The following TMEM108 variants were observed in gnomAD, a reference collection of about 807,000 sequenced individuals.
TMEM108 encodes cancer/testis antigen 124.
A neutral mutation model predicts 35.1 loss-of-function variants in TMEM108; 12 were observed. That is an observed-to-expected ratio of 0.34 (90% CI 0.22 to 0.55). The LOEUF is 0.55. Ranked by LOEUF, TMEM108 falls within the 20% of genes least tolerant of loss-of-function variation. The pLI, the probability that TMEM108 is intolerant of heterozygous loss-of-function variation, is 0.89. For missense variants in TMEM108, 680 were observed against 753.3 expected (o/e 0.90, Z 1.14); for synonymous variants, 287 against 308.6 (o/e 0.93, Z 0.73).
chr3:133,164,806 T>C (rs143965692), intron 2 of TMEM108, among the ~76,000 whole-genome samples: 1,591 of 152,258 alleles, frequency 0.01, 35 homozygotes, highest in African/African-American at 0.036. Flanking sequence ...CTTTAAATGT[T>C]CACAAGAGAG....
At chr3:133,180,230 G>A (rs929357723) in intron 2 of TMEM108, among the ~76,000 whole-genome samples, 11 of 152,014 alleles carry the variant, frequency 7.2e-5, no homozygotes, top group African/African-American at 2.4e-4. Context: ...ATGTTCTGTG[G>A]GAATATTGCA....
chr3:133,354,673 A>G (rs1015319979), intron 3 of TMEM108, among the ~76,000 whole-genome samples: 1 of 152,016 alleles, frequency 6.6e-6, no homozygotes, highest in African/African-American at 2.4e-5. Flanking sequence ...CTGCCACCCC[A>G]TCATGCACCC....
At chr3:133,329,292 C>T (rs1225363239) in intron 3 of TMEM108, among the ~76,000 whole-genome samples, 4 of 152,104 alleles carry the variant, frequency 2.6e-5, no homozygotes, top group African/African-American at 7.2e-5. Context: ...TTTTCCAAGT[C>T]GCCTTCACTA....
intron 3 of TMEM108, among the ~76,000 whole-genome samples, chr3:133,290,157 A>C (rs1354931467): frequency 2.6e-5 from 4 of 152,188 alleles, no homozygotes; most frequent in African/African-American, 9.7e-5. Context: ...GGGATAGGAA[A>C]TGTGGAGGGC....
chr3:133,196,757 CCTT>C (rs1336595217), intron 2 of TMEM108, among the ~76,000 whole-genome samples: 2 of 152,154 alleles, frequency 1.3e-5, no homozygotes, highest in African/African-American at 4.8e-5. Flanking sequence ...TCCCAAGGCT[CCTT>C]CAGTGACTTT....
At chr3:133,285,794 C>T (rs1946975634) in intron 3 of TMEM108, among the ~76,000 whole-genome samples, 1 of 152,182 alleles carries the variant, frequency 6.6e-6, no homozygotes, top group Admixed American at 6.5e-5. Context: ...ACTGGGCGCC[C>T]AGCTGCTTCA....
At chr3:133,185,626 G>C (rs942848572) in intron 2 of TMEM108, among the ~76,000 whole-genome samples, 2 of 151,522 alleles carry the variant, frequency 1.3e-5, no homozygotes, top group African/African-American at 4.9e-5. Flanking sequence ...AAATTCTACA[G>C]GCCAACCCCT....
At chr3:133,112,833 G>A (rs911522124) in intron 2 of TMEM108, among the ~76,000 whole-genome samples, 4 of 152,118 alleles carry the variant, frequency 2.6e-5, no homozygotes, top group South Asian at 4.1e-4. Flanking sequence ...ATAAAGTGAC[G>A]TAAGTGTTCT....
chr3:133,078,499 G>T (rs1943772255), intron 2 of TMEM108, among the ~76,000 whole-genome samples: 1 of 152,162 alleles, frequency 6.6e-6, no homozygotes, highest in Admixed American at 6.5e-5. Flanking sequence ...TTAGATTAAG[G>T]CTTGGAGGGG....
At chr3:133,108,550 T>G (rs1428243453) in intron 2 of TMEM108, among the ~76,000 whole-genome samples, 1 of 152,038 alleles carries the variant, frequency 6.6e-6, no homozygotes, top group Non-Finnish European at 1.5e-5. Flanking sequence ...TTGTGAAAAT[T>G]TTCTCCCATT....
At chr3:133,131,548 A>G (rs114859951) in intron 2 of TMEM108, among the ~76,000 whole-genome samples, 1,841 of 150,310 alleles carry the variant, frequency 0.012, 9 homozygotes, top group Non-Finnish European at 0.02. Flanking sequence ...ATGCCCATAT[A>G]AGACAGCAAA....
rs547003906 is a variant in TMEM108, at chr3:133,304,868, G to A, written c.41-74884G>A. ...AGGCTGAGGCAGGCAGATAATTTGA[G>A]GCCAGGAGTTCAACAGCAGCTTGAC... On this transcript the variant is annotated intron_variant, in intron 3 of 5. Coordinates refer to ENST00000321871, the MANE Select transcript of TMEM108 (RefSeq NM_023943.4). Among the ~76,000 whole-genome samples the A allele has an allele frequency of 2.0e-5, 3 of 152,136 alleles. No homozygotes were observed. In the East Asian group the frequency reaches 5.8e-4, roughly 29 times the overall value.
At chr3:133,122,764 G>A (rs143005885) in intron 2 of TMEM108, among the ~76,000 whole-genome samples, 1,748 of 151,444 alleles carry the variant, frequency 0.012, 42 homozygotes, top group African/African-American at 0.041. Context: ...TCGGGAGGCT[G>A]AGGCAGGAGA....
intron 2 of TMEM108, among the ~76,000 whole-genome samples, chr3:133,052,428 G>A (rs938026561): frequency 2.7e-5 from 4 of 150,742 alleles, no homozygotes; most frequent in Non-Finnish European, 5.9e-5. Flanking sequence ...TATATCATCT[G>A]AACAAAGATA....
chr3:133,242,065 C>T (rs560651328), intron 3 of TMEM108, among the ~76,000 whole-genome samples: 17 of 152,226 alleles, frequency 1.1e-4, no homozygotes, highest in African/African-American at 2.9e-4. Context: ...TCTCTGCCTC[C>T]GTTTTACATG....
chr3:133,208,110 G>A (rs1189360975), intron 2 of TMEM108, among the ~76,000 whole-genome samples: 1 of 152,198 alleles, frequency 6.6e-6, no homozygotes, highest in Non-Finnish European at 1.5e-5. Context: ...TGTGTGTAAA[G>A]CAGGGGTTCC....
chr3:133,161,793 A>G (rs944230064), intron 2 of TMEM108, among the ~76,000 whole-genome samples: 3 of 151,822 alleles, frequency 2.0e-5, no homozygotes, highest in African/African-American at 7.3e-5. Context: ...TACTCACAGC[A>G]TTCAACACAC....
chr3:133,188,470 A>G (rs1316414334), intron 2 of TMEM108, among the ~76,000 whole-genome samples: 1 of 151,048 alleles, frequency 6.6e-6, no homozygotes, highest in Non-Finnish European at 1.5e-5. Flanking sequence ...GGGGAAGTGA[A>G]TACGGATAAT....
chr3:133,149,624 TTAACA>T (rs1175671683), intron 2 of TMEM108, among the ~76,000 whole-genome samples: 5 of 152,182 alleles, frequency 3.3e-5, no homozygotes, highest in East Asian at 1.9e-4. Context: ...CTTATTTCAC[TTAACA>T]TAACATCCTC....
Sources: allele counts gnomAD v4.1 joint callset (sites outside exome capture counted in the v4.1 genomes callset), GRCh38; gene constraint gnomAD v4.1.1; transcripts MANE v1.5; gene names NCBI Gene and HGNC (gene_info 2026-07-23, HGNC 2026-07-21).